PHLDB3: variants seen among roughly 807,000 people sequenced by gnomAD.
PHLDB3 encodes pleckstrin homology-like domain family B member 3.
Under a neutral mutation model 85.7 loss-of-function variants are expected in PHLDB3, and 86 were observed. The observed-to-expected ratio is 1.00, with a 90% CI of 0.84 to 1.20. The LOEUF (loss-of-function observed/expected upper bound fraction) is 1.20, where lower values mean the gene tolerates loss of function less well. Among genes scored for constraint, PHLDB3 ranks in the 50% most tolerant of loss-of-function variants. The pLI, the probability that PHLDB3 is intolerant of heterozygous loss-of-function variation, is 0.00. For synonymous variants in PHLDB3, 376 were observed against 349.8 expected, an observed-to-expected ratio of 1.07 and a Z score of -0.83; for missense variants, 995 against 873.0, an observed-to-expected ratio of 1.14 and a Z score of -1.76.
intron 9 of PHLDB3, among the ~76,000 whole-genome samples, chr19:43,493,147 C>T (rs904015078): frequency 1.3e-5 from 2 of 151,884 alleles, no homozygotes; most frequent in South Asian, 2.1e-4. Flanking sequence ...GGCTTGGTGG[C>T]GCATGCCTGT....
chr19:43,488,378 A>AC, intron 9 of PHLDB3, among the ~76,000 whole-genome samples: 1 of 151,332 alleles, frequency 6.6e-6, no homozygotes, highest in Non-Finnish European at 1.5e-5. Flanking sequence ...GATCGCTTGA[A>AC]CCCCGGAGGT....
Position 43,475,584 on chromosome 19 carries a change from C to T in PHLDB3, c.1789-40G>A, listed in dbSNP as rs753799783. On this transcript the variant is annotated intron_variant, in intron 15 of 15. Coordinates refer to ENST00000292140, the MANE Select transcript of PHLDB3 (RefSeq NM_198850.4). ...AAGTGAGGGTAATTCAGACAAAAGA[C>T]ACCGGCCACAGTCTGGGTGCGAACC... 1.2e-5 allele frequency: 19 copies of T among 1,612,364 alleles called. 1 individual carries two copies. Among genetic ancestry groups the T allele is most frequent in the Non-Finnish European group, 1.5e-5 (18 of 1,178,976 alleles).
chr19:43,475,637 C>T, intron 15 of PHLDB3, 93 bp from the exon 16 acceptor site: 2 of 1,509,238 alleles, frequency 1.3e-6, no homozygotes, highest in Admixed American at 3.9e-5. Flanking sequence ...GTCTGTGTGG[C>T]ACTGGACAAG....
At chr19:43,503,792 CCT>C (rs1486510664) in intron 2 of PHLDB3, 112 bp downstream of exon 2, 1 of 1,240,972 alleles carries the variant, frequency 8.1e-7, no homozygotes, top group African/African-American at 1.5e-5. Flanking sequence ...GGTCTCTCTC[CCT>C]GTCTCCGGGT....
rs1970912342 is a variant in PHLDB3 at position 43,475,629 on chromosome 19, CT to C, written c.1789-86del. On this transcript the variant is annotated intron_variant, in intron 15 of 15. Coordinates refer to ENST00000292140, the MANE Select transcript of PHLDB3 (RefSeq NM_198850.4). The stretch of plus-strand genomic sequence containing the variant: ...CGAACCCAGCCTTGCTACTTATAGT[CT>C]GTGTGGCACTGGACAAGGTACTTAA... 5.2e-6 allele frequency: 8 copies of C among 1,531,096 alleles called. No individual in the cohort carries two copies. The Admixed American group carries it at 1.5e-4, about 29-fold the overall frequency. The allele number at this position is 1,531,096 out of a possible 1,614,324, so 94.8% of individuals were successfully genotyped here.
At chr19:43,503,698 A>G (rs1971675129) in intron 2 of PHLDB3, among the ~76,000 whole-genome samples, 1 of 151,654 alleles carries the variant, frequency 6.6e-6, no homozygotes, top group African/African-American at 2.4e-5. Flanking sequence ...CTGTCTCTGT[A>G]TCTGGTTTCT....
intron 6 of PHLDB3, 67 bp downstream of exon 6, chr19:43,497,051 G>A: frequency 1.5e-6 from 2 of 1,343,082 alleles, no homozygotes; most frequent in Non-Finnish European, 1.9e-6. Context: ...AGAGAAAAAG[G>A]CAGGCACAGA....
intron 4 of PHLDB3, among the ~76,000 whole-genome samples, chr19:43,499,131 C>T (rs1052697173): frequency 5.9e-5 from 9 of 152,008 alleles, no homozygotes; most frequent in African/African-American, 1.9e-4. Flanking sequence ...TAAGCTGGGG[C>T]CTGGGCGGTG....
intron 13 of PHLDB3, 59 bp from the exon 14 acceptor site, chr19:43,479,652 G>T: frequency 8.0e-7 from 1 of 1,252,730 alleles, no homozygotes; most frequent in Non-Finnish European, 1.1e-6. Flanking sequence ...ACAGCCTGGA[G>T]CCCCTCGAGG....
rs138033861 is a variant in PHLDB3, at chr19:43,496,893, G to C, written c.825+225C>G. ...AACGTGAAAAAAAAAAAACGTAATA[G>C]AACTTGCCTCATAAGTTTGTTGTAA... is the stretch of plus-strand genomic sequence containing the variant. On this transcript the variant is annotated intron_variant, in intron 6 of 15. Coordinates refer to ENST00000292140, the MANE Select transcript of PHLDB3 (RefSeq NM_198850.4). 2.2e-3 allele frequency: 1,302 copies of C among 580,526 alleles called. 5 individuals are homozygous for C. The highest frequency in any genetic ancestry group is 3.2e-3 in the Admixed American group (72 of 22,662). The allele number at this position is 580,526 out of a possible 1,614,324, so 36.0% of individuals were successfully genotyped here.
intron 13 of PHLDB3, among the ~76,000 whole-genome samples, chr19:43,480,895 T>C (rs1378695612): frequency 2.0e-5 from 3 of 152,164 alleles, no homozygotes; most frequent in Non-Finnish European, 4.4e-5. Context: ...GTCCACTATT[T>C]ATGAGAGCCT....
intron 2 of PHLDB3, 142 bp downstream of exon 2, chr19:43,503,764 T>C (rs1971676548): frequency 8.9e-6 from 8 of 896,408 alleles, no homozygotes; most frequent in Non-Finnish European, 1.2e-5. Context: ...TCTCTCTCAG[T>C]AGTCTCTGCT....
rs772619698 is a variant in PHLDB3, at chr19:43,486,664, A to G, written c.1373T>C (p.Met458Thr). The G allele has an allele frequency of 6.2e-7, 1 of 1,613,962 alleles. No homozygotes were observed. Among genetic ancestry groups the G allele is most frequent in the Admixed American group, 1.7e-5 (1 of 60,010 alleles). ...CATGGCCTGCTGCAGGAGCCGCTCC[A>G]TGTGGGCAATGTCTGGATGGATGGC... ...CGAIHPDIAHMERLLQQAMAE... is the reference protein window; with the variant it reads ...CGAIHPDIAHTERLLQQAMAE... The change falls in exon 12 of 16, where the codon ATG becomes ACG. Residue 458 changes from methionine (M) to threonine (T), a missense_variant. By Grantham distance (81) the Met-to-Thr change is moderately conservative. Transcript: ENST00000292140.
intron 9 of PHLDB3, among the ~76,000 whole-genome samples, chr19:43,493,457 G>C (rs1599950319): frequency 6.6e-6 from 1 of 151,932 alleles, no homozygotes; most frequent in East Asian, 1.9e-4. Context: ...GCAAAAGGAA[G>C]ACCCCAACTC....
rs530334340 is a variant in PHLDB3, at chr19:43,498,004, C to T, written c.535-128G>A. 7.2e-5 allele frequency: 97 copies of T among 1,352,772 alleles called. No homozygotes were observed. In the African/African-American group the frequency reaches 1.3e-3, roughly 19 times the overall value. The allele number at this position is 1,352,772 out of a possible 1,614,324, so 83.8% of individuals were successfully genotyped here. ...AGGGACTTCATCTATGTGATTCACTCCTGTGCAGGCCTGCCTCACAGTCAG... is the reference window on the plus strand; with the variant it reads ...AGGGACTTCATCTATGTGATTCACTTCTGTGCAGGCCTGCCTCACAGTCAG... On this transcript the variant is annotated intron_variant, in intron 4 of 15. Coordinates refer to ENST00000292140, the MANE Select transcript of PHLDB3 (RefSeq NM_198850.4).
chr19:43,503,946 T>A lies in PHLDB3; in HGVS notation c.173A>T (p.Glu58Val). ...CTCAGTGCTGCTGCCTTCTCCCACT[T>A]CTTCTTCCTCTGCCTGCTGCTCAGC... ...GGAEQQAEEE[E>V]VGEGSSTESS... The change falls in exon 2 of 16, where the codon GAA (glutamate) becomes GTA (valine). Residue 58 changes from glutamate (E) to valine (V), a missense_variant. Transcript: ENST00000292140. 2.5e-6 allele frequency: 4 copies of A among 1,613,332 alleles called. No individual in the cohort carries two copies. Among genetic ancestry groups the A allele is most frequent in the Non-Finnish European group, 3.4e-6 (4 of 1,179,516 alleles).
At chr19:43,487,306 G>A (rs1599942682) in intron 9 of PHLDB3, among the ~76,000 whole-genome samples, 183 bp from the exon 10 acceptor site, 1 of 152,262 alleles carries the variant, frequency 6.6e-6, no homozygotes, top group South Asian at 2.1e-4. Flanking sequence ...TGAGCACAGT[G>A]GCTTATGCCT....
At chr19:43,489,261 G>A (rs1971256787) in intron 9 of PHLDB3, among the ~76,000 whole-genome samples, 1 of 152,138 alleles carries the variant, frequency 6.6e-6, no homozygotes, top group Non-Finnish European at 1.5e-5. Flanking sequence ...CAGCTACTCA[G>A]GAGGCTGAGG....
At position 43,497,294 on chromosome 19, in the gene PHLDB3, A is replaced by G; in HGVS notation, c.664-15T>C. On this transcript the variant is annotated splice_polypyrimidine_tract_variant and intron_variant, in intron 5 of 15. Transcript: ENST00000292140. ...TGTTCCCTCATCTATAGGTCGGAAC[A>G]CAAAAAGGGTGGAGGCCTGAATCCC... is the stretch of plus-strand genomic sequence containing the variant. 1 of 1,412,934 alleles carries G rather than the reference A, an allele frequency of 7.1e-7. No individual in the cohort carries two copies. The highest frequency in any genetic ancestry group is 1.7e-5 in the South Asian group (1 of 59,626). 87.5% of individuals were successfully genotyped at this position (1,412,934 alleles called of 1,614,324 possible).
Sources: allele counts gnomAD v4.1 joint callset (sites outside exome capture counted in the v4.1 genomes callset), GRCh38; gene constraint gnomAD v4.1.1; transcripts MANE v1.5; gene names NCBI Gene and HGNC (gene_info 2026-07-23, HGNC 2026-07-21).